Variants in TRMU observed in about 807,000 individuals in gnomAD.
TRMU encodes tRNA mitochondrial 2-thiouridylase.
TRMU carries 49 observed loss-of-function variants against 46.9 expected under a neutral mutation model. The observed-to-expected ratio is 1.05, with a 90% CI of 0.83 to 1.33. TRMU has a LOEUF of 1.33. Among genes scored for constraint, TRMU ranks in the 40% most tolerant of loss-of-function variants. The probability of loss-of-function intolerance (pLI) is 0.00; values close to 1 mark genes in which losing one functional copy is unlikely to be tolerated. For synonymous variants in TRMU, 241 were observed against 200.9 expected, an observed-to-expected ratio of 1.20 and a Z score of -1.69; for missense variants, 572 against 532.4, an observed-to-expected ratio of 1.07 and a Z score of -0.73.
At chr22:46,335,921 T>A in intron 1 of TRMU, 75 bp downstream of exon 1, 1 of 1,517,956 alleles carries the variant, frequency 6.6e-7, no homozygotes, top group South Asian at 1.2e-5. Context: ...GTCGTGGCGT[T>A]GTGCACGTCT....
At position 46,342,450 on chromosome 22, in the gene TRMU, C is replaced by G. The variant is rs956820456; in HGVS notation, c.249-812C>G. On this transcript the variant is annotated intron_variant, in intron 2 of 10. Coordinates refer to ENST00000645190, the MANE Select transcript of TRMU (RefSeq NM_018006.5). This position sits in a 1 kb window ranked among gnomAD's most constrained non-coding sequence, Gnocchi z 4.7. ...CAGAAGCTCTCTGAACCCAGTACTC[C>G]TGGGTTTTTATGGAGGCTTCATGAC... is the stretch of plus-strand genomic sequence containing the variant. 1.3e-5 allele frequency among the ~76,000 whole-genome samples: 2 copies of G among 152,178 alleles called. No homozygotes were observed. The highest frequency in any genetic ancestry group is 2.4e-5 in the African/African-American group (1 of 41,442).
chr22:46,353,489 G>C, intron 7 of TRMU: 1 of 398,692 alleles, frequency 2.5e-6, no homozygotes, highest in Non-Finnish European at 4.8e-6. Flanking sequence ...CCTAGGGTCA[G>C]GGGCTCCTAC....
rs535598119 is a variant in TRMU at position 46,355,688 on chromosome 22, C to T, written c.1018+100C>T. The T allele has an allele frequency of 1.2e-4, 186 of 1,573,704 alleles. No individual in the cohort carries two copies. The South Asian group carries it at 1.5e-3, about 12-fold the overall frequency. On this transcript the variant is annotated intron_variant, in intron 9 of 10. Coordinates refer to ENST00000645190, the MANE Select transcript of TRMU (RefSeq NM_018006.5). ...GGGAGACCCTGGGGTAGGAAAGTCC[C>T]GTTGTGGAGATCATTTGGAGATTAC...
intron 8 of TRMU, chr22:46,355,154 C>T: frequency 1.9e-6 from 1 of 538,008 alleles, no homozygotes. Context: ...CTGAGTCAGA[C>T]TTGAACCTGC....
rs1286697645 is a variant in TRMU at position 46,347,174 on chromosome 22, CAG to C, written c.478+633_478+634del. Among the ~76,000 whole-genome samples the C allele has an allele frequency of 6.6e-6, 1 of 152,118 alleles. No homozygotes were observed. The highest frequency in any genetic ancestry group is 6.5e-5 in the Admixed American group (1 of 15,286). ...GTTGAGTGAAAAACCAAGTGGGGCT[CAG>C]AGCCGTGTTTCCGCACGGAGCGTCC... On this transcript the variant is annotated intron_variant, in intron 4 of 10. Transcript: ENST00000645190. The surrounding 1 kb of genome is among the most constrained non-coding windows in gnomAD (Gnocchi z 5.0).
rs190896680 is a variant in TRMU at position 46,347,958 on chromosome 22, G to T, written c.478+1414G>T. On this transcript the variant is annotated intron_variant, in intron 4 of 10. Coordinates refer to ENST00000645190, the MANE Select transcript of TRMU (RefSeq NM_018006.5). The surrounding 1 kb of genome is among the most constrained non-coding windows in gnomAD (Gnocchi z 5.0). ...GTCTGCCGCCCTCTGTTCCCTCCTC[G>T]CCTTCCTTCCTTATGCCACAGGGTG... Among the ~76,000 whole-genome samples, 5 of 152,242 alleles carry T rather than the reference G, an allele frequency of 3.3e-5. No homozygotes were observed. In the East Asian group the frequency reaches 9.6e-4, roughly 29 times the overall value.
At chr22:46,356,300 C>T in intron 10 of TRMU, 1 of 568,718 alleles carries the variant, frequency 1.8e-6, no homozygotes, top group East Asian at 3.0e-5. Flanking sequence ...CCTGCTCGGG[C>T]CCTGAGAGGC....
rs1194845233 is a variant in TRMU at position 46,339,783 on chromosome 22, T to C, written c.248+1839T>C. On this transcript the variant is annotated intron_variant, in intron 2 of 10. Transcript: ENST00000645190. This position sits in a 1 kb window ranked among gnomAD's most constrained non-coding sequence, Gnocchi z 4.8. Reference sequence around the variant, plus strand: ...CTCTGTGACTCTATGCTATAACATATGGGTGTCGTATATATTAACAACATG... The same window carrying C: ...CTCTGTGACTCTATGCTATAACATACGGGTGTCGTATATATTAACAACATG... Among the ~76,000 whole-genome samples the C allele has an allele frequency of 6.6e-6, 1 of 152,134 alleles. No homozygotes were observed. Among genetic ancestry groups the C allele is most frequent in the Non-Finnish European group, 1.5e-5 (1 of 68,024 alleles).
rs765755445 is a variant in TRMU, at chr22:46,356,964, T to C, written c.1224T>C (p.Ser408=). The change falls in exon 11 of 11, where the codon AGT becomes AGC. Residue 408 remains serine, a synonymous_variant. Transcript: ENST00000645190. ...CTGGGATGGCCACTGAGAGCCCCAG[T>C]GACAGCCCAGAAGATGGTCCAGGCC... ...RRAGMATESP[S]DSPEDGPGLS... 6.2e-7 allele frequency: 1 copy of C among 1,613,500 alleles called. No homozygotes were observed. The highest frequency in any genetic ancestry group is 8.5e-7 in the Non-Finnish European group (1 of 1,179,982).
At position 46,351,992 on chromosome 22, in the gene TRMU, C is replaced by A. The variant is rs570257976; in HGVS notation, c.652-129C>A. 1 of 1,045,134 alleles carries A rather than the reference C, an allele frequency of 9.6e-7. No homozygotes were observed. The highest frequency in any genetic ancestry group is 1.6e-5 in the African/African-American group (1 of 63,978). The allele number at this position is 1,045,134 out of a possible 1,614,324, so 64.7% of individuals were successfully genotyped here. A position where few individuals can be genotyped will look rare whatever the true frequency, so the allele number is the denominator to read the frequency against. ...GCGGCCGAGGGTGCCGGTGGGCAGC[C>A]GGGCCCCTACCCTGGAAGCAAAGTG... On this transcript the variant is annotated intron_variant, in intron 5 of 10. Transcript: ENST00000645190. This position sits in a 1 kb window ranked among gnomAD's most constrained non-coding sequence, Gnocchi z 6.4.
rs745338284 is a variant in TRMU, at chr22:46,353,796, GC to G, written c.803del (p.Ala268GlufsTer3). 1.9e-5 allele frequency: 31 copies of G among 1,613,844 alleles called. No individual in the cohort carries two copies. The highest frequency in any genetic ancestry group is 2.5e-5 in the Non-Finnish European group (30 of 1,179,886). On this transcript the variant is annotated frameshift_variant, in exon 8 of 11. Coordinates refer to ENST00000645190, the MANE Select transcript of TRMU (RefSeq NM_018006.5). LOFTEE classifies it high-confidence loss of function. The stretch of plus-strand genomic sequence containing the variant: ...GTTCCTGTATACCTTGGGCCAGAGA[GC>G]AAACATAGGTGGCCTGAGAGAGCCC... ...GWFLYTLGQRANIGGLREPWY... is the reference protein window; with the variant it reads ...GWFLYTLGQRXNIGGLREPWY...
chr22:46,337,663 CAGGCACAG>C (rs1448309188), intron 1 of TRMU, 108 bp from the exon 2 acceptor site: 1 of 1,394,946 alleles, frequency 7.2e-7, no homozygotes, highest in Non-Finnish European at 9.9e-7. Flanking sequence ...CCCGGCAGGC[CAGGCACAG>C]AGGCACAGGA....
chr22:46,337,338 C>T (rs572483250), intron 1 of TRMU, among the ~76,000 whole-genome samples: 2 of 152,244 alleles, frequency 1.3e-5, no homozygotes, highest in South Asian at 4.2e-4. Flanking sequence ...GGTGGTACAG[C>T]TCTTACAAAA....
Position 46,336,164 on chromosome 22 carries a change from G to A in TRMU, c.82+318G>A, listed in dbSNP as rs1303377435. The A allele has an allele frequency of 2.1e-5, 26 of 1,258,972 alleles. No individual in the cohort carries two copies. The highest frequency in any genetic ancestry group is 3.4e-5 in the South Asian group (2 of 59,272). 78.0% of individuals were successfully genotyped at this position (1,258,972 alleles called of 1,614,324 possible). On this transcript the variant is annotated intron_variant, in intron 1 of 10. Coordinates refer to ENST00000645190, the MANE Select transcript of TRMU (RefSeq NM_018006.5). This position sits in a 1 kb window ranked among gnomAD's most constrained non-coding sequence, Gnocchi z 4.1. ...AGGGAAGGGTTTCTCACGGATCTGCGGCGTCCACATTCACCTGTGAGACCG... is the reference window on the plus strand; with the variant it reads ...AGGGAAGGGTTTCTCACGGATCTGCAGCGTCCACATTCACCTGTGAGACCG...
chr22:46,350,346 C>G lies in TRMU; in HGVS notation c.534C>G (p.Ser178Arg), dbSNP rs1314026039. The G allele has an allele frequency of 6.2e-7, 1 of 1,614,234 alleles. No homozygotes were observed. Among genetic ancestry groups the G allele is most frequent in the Non-Finnish European group, 8.5e-7 (1 of 1,180,044 alleles). ...TTAAAGACCAGACCTTCTTTCTCAG[C>G]CAGGTTTCCCAGGATGCCCTGAGGA... ...DSFKDQTFFLSQVSQDALRRT... is the reference protein window; with the variant it reads ...DSFKDQTFFLRQVSQDALRRT... The change falls in exon 5 of 11, where the codon AGC (serine) becomes AGG (arginine). Residue 178 changes from serine (S) to arginine (R), a missense_variant. Ser to Arg is a moderately radical substitution (Grantham distance 110). Coordinates refer to ENST00000645190, the MANE Select transcript of TRMU (RefSeq NM_018006.5). This position sits in a 1 kb window ranked among gnomAD's most constrained non-coding sequence, Gnocchi z 4.6.
In TRMU at chr22:46,339,788, G is replaced by A. The variant is rs935987121; in HGVS notation, c.248+1844G>A. On this transcript the variant is annotated intron_variant, in intron 2 of 10. Transcript: ENST00000645190. The surrounding 1 kb of genome is among the most constrained non-coding windows in gnomAD (Gnocchi z 4.8). Reference sequence around the variant, plus strand: ...TGACTCTATGCTATAACATATGGGTGTCGTATATATTAACAACATGGACAA... The same window carrying A: ...TGACTCTATGCTATAACATATGGGTATCGTATATATTAACAACATGGACAA... 6.6e-6 allele frequency among the ~76,000 whole-genome samples: 1 copy of A among 152,192 alleles called. No individual in the cohort carries two copies. Among genetic ancestry groups the A allele is most frequent in the African/African-American group, 2.4e-5 (1 of 41,438 alleles).
At position 46,351,100 on chromosome 22, in the gene TRMU, A is replaced by G. The variant is rs1280977779; in HGVS notation, c.651+637A>G. On this transcript the variant is annotated intron_variant, in intron 5 of 10. Coordinates refer to ENST00000645190, the MANE Select transcript of TRMU (RefSeq NM_018006.5). This position sits in a 1 kb window ranked among gnomAD's most constrained non-coding sequence, Gnocchi z 6.4. ...GAATGGAGATGCCAAAAACGGCCTCAAAAGAAGTCACATGGAACCTGAGAC... is the reference window on the plus strand; with the variant it reads ...GAATGGAGATGCCAAAAACGGCCTCGAAAGAAGTCACATGGAACCTGAGAC... Among the ~76,000 whole-genome samples, 1 of 152,196 alleles carries G rather than the reference A, an allele frequency of 6.6e-6. No homozygotes were observed. The highest frequency in any genetic ancestry group is 1.9e-4 in the East Asian group (1 of 5,190).
rs1373634428 is a variant in TRMU at position 46,347,481 on chromosome 22, T to C, written c.478+937T>C. 3 of 152,184 alleles carry C rather than the reference T, an allele frequency of 2.0e-5. No homozygotes were observed. Among genetic ancestry groups the C allele is most frequent in the Non-Finnish European group, 4.4e-5 (3 of 68,070 alleles). The allele number at this position is 152,184 out of a possible 1,614,324, so 9.4% of individuals were successfully genotyped here. On this transcript the variant is annotated intron_variant, in intron 4 of 10. Coordinates refer to ENST00000645190, the MANE Select transcript of TRMU (RefSeq NM_018006.5). This position sits in a 1 kb window ranked among gnomAD's most constrained non-coding sequence, Gnocchi z 5.0. Reference sequence around the variant, plus strand: ...ATCCTCCCACCTCAGCCCCACCAAGTAGCTGGGACCACAGGTGTGCGCCAC... The same window carrying C: ...ATCCTCCCACCTCAGCCCCACCAAGCAGCTGGGACCACAGGTGTGCGCCAC...
chr22:46,356,176 T>G, intron 10 of TRMU, 104 bp downstream of exon 10: 1 of 1,332,610 alleles, frequency 7.5e-7, no homozygotes, highest in Non-Finnish European at 1.1e-6. Flanking sequence ...GAGTAGGGTG[T>G]GCTCGGGTCA....
Sources: allele counts gnomAD v4.1 joint callset (sites outside exome capture counted in the v4.1 genomes callset), GRCh38; gene constraint gnomAD v4.1.1; non-coding constraint Gnocchi (gnomAD v3.1); transcripts MANE v1.5; gene names NCBI Gene and HGNC (gene_info 2026-07-23, HGNC 2026-07-21).